Variants in GRM1 observed in about 807,000 individuals in gnomAD.
GRM1 encodes the protein glutamate metabotropic receptor 1.
In GRM1, 33 loss-of-function variants were observed where a neutral mutation model predicts 90.9. The ratio of observed to expected loss-of-function variants is 0.36; its 90% CI spans 0.28 to 0.49. The LOEUF is 0.49. GRM1 is among the 20% of genes least tolerant of loss of function. GRM1 has a pLI of 0.99. For missense variants in GRM1, 1,190 were observed against 1,534.3 expected, an observed-to-expected ratio of 0.78 and a Z score of 3.75; for synonymous variants, 700 against 613.2, an observed-to-expected ratio of 1.14 and a Z score of -2.09.
intron 2 of GRM1, among the ~76,000 whole-genome samples, chr6:146,275,471 C>T (rs569798180): frequency 6.6e-6 from 1 of 152,198 alleles, no homozygotes; most frequent in South Asian, 2.1e-4. Flanking sequence ...ATCTCTTTTG[C>T]TCTAGTTTCC....
At chr6:146,360,793 C>T (rs1381385890) in intron 5 of GRM1, among the ~76,000 whole-genome samples, 1 of 152,064 alleles carries the variant, frequency 6.6e-6, no homozygotes, top group Non-Finnish European at 1.5e-5. Context: ...ATTGCTAATA[C>T]ATTAATGGAA....
At chr6:146,333,369 C>T (rs1452492829) in intron 3 of GRM1, among the ~76,000 whole-genome samples, 1 of 152,004 alleles carries the variant, frequency 6.6e-6, no homozygotes, top group Non-Finnish European at 1.5e-5. Context: ...TTTTTTCCCC[C>T]TAGTATTTAC....
At chr6:146,433,798 CAT>C in intron 7 of GRM1, 72 bp from the exon 8 acceptor site, 3 of 1,085,382 alleles carry the variant, frequency 2.8e-6, no homozygotes, top group Non-Finnish European at 1.4e-6. Context: ...GCTAGGTTTG[CAT>C]ATGTTTTCTA....
At chr6:146,106,765 C>A (rs537866853) in intron 1 of GRM1, among the ~76,000 whole-genome samples, 1 of 152,178 alleles carries the variant, frequency 6.6e-6, no homozygotes, top group African/African-American at 2.4e-5. Context: ...ATTTAGTTGA[C>A]CTCGTGGTGT....
intron 1 of GRM1, among the ~76,000 whole-genome samples, chr6:146,082,137 A>G (rs909137238): frequency 9.9e-5 from 15 of 151,894 alleles, no homozygotes; most frequent in Admixed American, 9.8e-4. Flanking sequence ...TCCCTTAAGG[A>G]ATTCTGTGAT....
At chr6:146,334,297 C>G (rs1562617528) in intron 3 of GRM1, among the ~76,000 whole-genome samples, 1 of 152,172 alleles carries the variant, frequency 6.6e-6, no homozygotes, top group Non-Finnish European at 1.5e-5. Context: ...CTGCCTAGAC[C>G]CATCCTCTTC....
In GRM1 at chr6:146,412,155, G is replaced by C. The variant is rs74444247; in HGVS notation, c.2660+12456G>C. 2.2e-3 allele frequency among the ~76,000 whole-genome samples: 333 copies of C among 152,286 alleles called. 2 individuals are homozygous for C. Among genetic ancestry groups the C allele is most frequent in the African/African-American group, 7.8e-3 (323 of 41,568 alleles). On this transcript the variant is annotated intron_variant, in intron 7 of 7. Coordinates refer to ENST00000282753, the MANE Select transcript of GRM1 (RefSeq NM_001278064.2). ...GTCTATTGATATATGTTGCAGCATT[G>C]TCAACGCTGTATGTTATTTCCATTG...
chr6:146,166,504 T>C (rs1777908973), intron 2 of GRM1, among the ~76,000 whole-genome samples: 1 of 152,164 alleles, frequency 6.6e-6, no homozygotes, highest in South Asian at 2.1e-4. Flanking sequence ...AAACTACAGA[T>C]ACATTTGAGA....
intron 1 of GRM1, among the ~76,000 whole-genome samples, chr6:146,061,517 A>T (rs1775668524): frequency 6.6e-6 from 1 of 152,174 alleles, no homozygotes; most frequent in Non-Finnish European, 1.5e-5. Flanking sequence ...AACTATCATA[A>T]GAGTAAACAG....
At chr6:146,403,094 G>A (rs1314735420) in intron 7 of GRM1, among the ~76,000 whole-genome samples, 1 of 151,972 alleles carries the variant, frequency 6.6e-6, no homozygotes, top group Non-Finnish European at 1.5e-5. Flanking sequence ...TCGATTTATT[G>A]GCAATAGAAG....
intron 2 of GRM1, among the ~76,000 whole-genome samples, chr6:146,269,316 T>A (rs1234007456): frequency 6.6e-6 from 1 of 152,220 alleles, no homozygotes; most frequent in African/African-American, 2.4e-5. Context: ...ACTTTGCATG[T>A]CTCTAATGTA....
At chr6:146,193,735 C>G (rs747739386) in intron 2 of GRM1, among the ~76,000 whole-genome samples, 1 of 151,880 alleles carries the variant, frequency 6.6e-6, no homozygotes, top group South Asian at 2.1e-4. Context: ...CTAGGTCATA[C>G]GTCTAGGTTG....
rs1775546578 is a variant in GRM1, at chr6:146,111,229, T to C, written c.701-48119T>C. Among the ~76,000 whole-genome samples, 7 of 152,140 alleles carry C rather than the reference T, an allele frequency of 4.6e-5. No homozygotes were observed. The South Asian group carries it at 8.3e-4, about 18-fold the overall frequency. On this transcript the variant is annotated intron_variant, in intron 1 of 7. Transcript: ENST00000282753. ...CACAGCCATTTTGGAGATAAGATTTTATGGGGAAAAAAAGTGGGATTTGGA... is the reference window on the plus strand; with the variant it reads ...CACAGCCATTTTGGAGATAAGATTTCATGGGGAAAAAAAGTGGGATTTGGA...
At chr6:146,030,644 T>G (rs1319754124) in intron 1 of GRM1, among the ~76,000 whole-genome samples, 1 of 152,194 alleles carries the variant, frequency 6.6e-6, no homozygotes, top group East Asian at 1.9e-4. Flanking sequence ...ATTCCACAAA[T>G]AGGACTTCAA....
intron 2 of GRM1, among the ~76,000 whole-genome samples, chr6:146,206,574 G>C (rs1438903242): frequency 6.6e-6 from 1 of 151,546 alleles, no homozygotes; most frequent in Non-Finnish European, 1.5e-5. Context: ...AAATCTACTT[G>C]ATCTTAGATA....
chr6:146,154,938 A>C (rs1777467808), intron 1 of GRM1, among the ~76,000 whole-genome samples: 1 of 152,224 alleles, frequency 6.6e-6, no homozygotes, highest in Non-Finnish European at 1.5e-5. Context: ...TATTGATAGC[A>C]AATACTGTTC....
rs35301667 is a variant in GRM1 at position 146,357,817 on chromosome 6, G to GT, written c.1602+127dup. The GT allele has an allele frequency of 0.23, 185,923 of 808,094 alleles. 22,609 individuals are homozygous for GT. Among genetic ancestry groups the GT allele is most frequent in the Middle Eastern group, 0.28 (1,022 of 3,686 alleles). 50.1% of individuals were successfully genotyped at this position (808,094 alleles called of 1,614,324 possible). A position where few individuals can be genotyped will look rare whatever the true frequency, so the allele number is the denominator to read the frequency against. ...CTAGAAAGGGTGTGCCAGGCTTACA[G>GT]TTTTGGCTCTTGAGTTTAGGTAAAA... On this transcript the variant is annotated intron_variant, in intron 5 of 7. Transcript: ENST00000282753.
At chr6:146,051,805 T>C (rs773556361) in intron 1 of GRM1, among the ~76,000 whole-genome samples, 8 of 152,198 alleles carry the variant, frequency 5.3e-5, no homozygotes, top group Admixed American at 1.3e-4. Context: ...TTAATCATCA[T>C]CACTACTGTT....
At chr6:146,173,339 G>A (rs571227317) in intron 2 of GRM1, among the ~76,000 whole-genome samples, 2 of 146,934 alleles carry the variant, frequency 1.4e-5, no homozygotes, top group Admixed American at 6.9e-5. Flanking sequence ...GCAGTGAGCC[G>A]AGACTGCACC....
Sources: allele counts gnomAD v4.1 joint callset (sites outside exome capture counted in the v4.1 genomes callset), GRCh38; gene constraint gnomAD v4.1.1; transcripts MANE v1.5; gene names NCBI Gene and HGNC (gene_info 2026-07-23, HGNC 2026-07-21).